Variants in LRRIQ4 observed in about 807,000 individuals in gnomAD.
The protein encoded by LRRIQ4 is leucine-rich repeat and IQ domain-containing protein 4.
Under a neutral mutation model 40.1 loss-of-function variants are expected in LRRIQ4, and 21 were observed. That is an observed-to-expected ratio of 0.52 (90% CI 0.37 to 0.75). LRRIQ4 has a LOEUF of 0.75. Ranked by LOEUF, LRRIQ4 falls within the 30% of genes least tolerant of loss-of-function variation. The pLI, the probability that LRRIQ4 is intolerant of heterozygous loss-of-function variation, is 0.00. For missense variants in LRRIQ4, 655 were observed against 660.0 expected, an observed-to-expected ratio of 0.99 and a Z score of 0.08; for synonymous variants, 277 against 277.1, an observed-to-expected ratio of 1.00 and a Z score of 0.00.
chr3:169,822,234 C>T lies in LRRIQ4; in HGVS notation c.313C>T (p.Pro105Ser), dbSNP rs1297064239. 3 of 1,605,238 alleles carry T rather than the reference C, an allele frequency of 1.9e-6. No individual in the cohort carries two copies. The highest frequency in any genetic ancestry group is 2.5e-6 in the Non-Finnish European group (3 of 1,176,634). ...GGAGAGCCTGGACCTGAGCTACAAC[C>T]CCATCTTCTCCTCCTCCCTTGTCGT... Reference protein sequence around the residue: ...SLESLDLSYNPIFSSSLVVVS... With the variant: ...SLESLDLSYNSIFSSSLVVVS... Residue 105 changes from proline to serine, a missense_variant, in exon 2 of 6, where the codon CCC becomes TCC. Coordinates refer to ENST00000340806, the MANE Select transcript of LRRIQ4 (RefSeq NM_001080460.3).
chr3:169,823,263 A>G (rs1039578907), intron 2 of LRRIQ4, among the ~76,000 whole-genome samples: 4 of 151,860 alleles, frequency 2.6e-5, no homozygotes, highest in Non-Finnish European at 1.5e-5. Context: ...CTTAACTAAC[A>G]TATCCAAGGT....
At chr3:169,836,993 A>G (rs28688695) in intron 5 of LRRIQ4, among the ~76,000 whole-genome samples, 65,764 of 151,900 alleles carry the variant, frequency 0.43, 14,943 homozygotes, top group East Asian at 0.74. Context: ...TGCTAGAGGA[A>G]GGGTGTTGCT....
At chr3:169,820,222 G>A (rs999160912) in intron 1 of LRRIQ4, among the ~76,000 whole-genome samples, 2 of 150,074 alleles carry the variant, frequency 1.3e-5, no homozygotes, top group African/African-American at 4.9e-5. Flanking sequence ...ATCATGTCAT[G>A]TTGTTCTCTG....
chr3:169,813,465 C>T (rs1311888445), intron 1 of LRRIQ4, among the ~76,000 whole-genome samples: 1 of 152,116 alleles, frequency 6.6e-6, no homozygotes, highest in Admixed American at 6.5e-5. Flanking sequence ...TAATAGTTTC[C>T]TTATCCCCCT....
chr3:169,822,989 T>C (rs773136546), intron 2 of LRRIQ4, 48 bp downstream of exon 2: 36 of 1,449,792 alleles, frequency 2.5e-5, no homozygotes, highest in Non-Finnish European at 2.7e-5. Context: ...CCAGGGTCCT[T>C]CCTGCCCTAA....
chr3:169,830,153 G>C (rs188353613), intron 3 of LRRIQ4, among the ~76,000 whole-genome samples: 55 of 152,100 alleles, frequency 3.6e-4, no homozygotes, highest in East Asian at 3.1e-3. Flanking sequence ...CAGACAATTA[G>C]CTATTAAAAA....
At chr3:169,817,685 C>CT (rs1218034858) in intron 1 of LRRIQ4, among the ~76,000 whole-genome samples, 1 of 151,344 alleles carries the variant, frequency 6.6e-6, no homozygotes, top group Non-Finnish European at 1.5e-5. Context: ...ATATAATGAC[C>CT]TTTTTTGTCT....
In LRRIQ4 at chr3:169,828,995, C is replaced by G. The variant is rs944810577; in HGVS notation, c.1194+63C>G. The G allele has an allele frequency of 5.5e-6, 8 of 1,459,760 alleles. No individual in the cohort carries two copies. The African/African-American group carries it at 1.0e-4, about 18-fold the overall frequency. 90.4% of individuals were successfully genotyped at this position (1,459,760 alleles called of 1,614,324 possible). A position where few individuals can be genotyped will look rare whatever the true frequency, so the allele number is the denominator to read the frequency against. On this transcript the variant is annotated intron_variant, in intron 3 of 5. Transcript: ENST00000340806. ...TCACTGCCTCTTAAATTGGCTGAAA[C>G]TGAGAAAATATGAGGTCTCCACAGG...
Position 169,837,229 on chromosome 3 carries a change from A to C in LRRIQ4, c.1531-250A>C, listed in dbSNP as rs563890537. 2.3e-3 allele frequency among the ~76,000 whole-genome samples: 347 copies of C among 152,344 alleles called. 2 individuals are homozygous for C. The highest frequency in any genetic ancestry group is 4.2e-3 in the Non-Finnish European group (287 of 68,034). On this transcript the variant is annotated intron_variant, in intron 5 of 5. Coordinates refer to ENST00000340806, the MANE Select transcript of LRRIQ4 (RefSeq NM_001080460.3). ...GGAATGTGAGCTCCATAAAGTTGAG[A>C]CAGTTATTTCTCTGCTGTTGCCCAA...
intron 1 of LRRIQ4, among the ~76,000 whole-genome samples, chr3:169,820,249 C>G (rs1400671236): frequency 2.8e-5 from 4 of 143,772 alleles, no homozygotes; most frequent in African/African-American, 7.7e-5. Context: ...CCCATAGACT[C>G]TGTGTGTGTG....
Position 169,822,503 on chromosome 3 carries a change from C to T in LRRIQ4, c.582C>T (p.Asp194=), listed in dbSNP as rs1013919151. 1.2e-6 allele frequency: 2 copies of T among 1,614,014 alleles called. No homozygotes were observed. The highest frequency in any genetic ancestry group is 2.2e-5 in the South Asian group (2 of 91,082). ...LCVLYTLEII[D]LDENKIGAIP... ...TTCTCTACACCCTGGAAATCATTGA[C>T]CTGGACGAGAACAAAATAGGTGCCA... The change falls in exon 2 of 6, where the codon GAC becomes GAT. Residue 194 remains aspartate, a synonymous_variant. Transcript: ENST00000340806.
At chr3:169,825,121 C>T (rs963042868) in intron 2 of LRRIQ4, among the ~76,000 whole-genome samples, 3 of 151,310 alleles carry the variant, frequency 2.0e-5, no homozygotes, top group Non-Finnish European at 4.4e-5. Context: ...GATTCTCCTT[C>T]CTCAGCCTCC....
At chr3:169,824,608 G>A (rs979911442) in intron 2 of LRRIQ4, among the ~76,000 whole-genome samples, 10 of 152,084 alleles carry the variant, frequency 6.6e-5, no homozygotes, top group Admixed American at 2.6e-4. Context: ...TGCCTCCTGG[G>A]TTCAAGCGAT....
At chr3:169,817,680 A>G (rs1249911966) in intron 1 of LRRIQ4, among the ~76,000 whole-genome samples, 1 of 151,958 alleles carries the variant, frequency 6.6e-6, no homozygotes, top group Non-Finnish European at 1.5e-5. Flanking sequence ...TCATTATATA[A>G]TGACCTTTTT....
At chr3:169,826,768 T>G (rs1302969127) in intron 2 of LRRIQ4, among the ~76,000 whole-genome samples, 2 of 152,224 alleles carry the variant, frequency 1.3e-5, no homozygotes, top group Non-Finnish European at 2.9e-5. Context: ...GACATCTAAG[T>G]GCTTGATGAA....
At chr3:169,820,948 T>C (rs1443692203) in intron 1 of LRRIQ4, among the ~76,000 whole-genome samples, 1 of 152,216 alleles carries the variant, frequency 6.6e-6, no homozygotes, top group Non-Finnish European at 1.5e-5. Context: ...CTCCAGATTC[T>C]AATCCACTAT....
At chr3:169,833,357 G>A (rs1018356181) in intron 5 of LRRIQ4, among the ~76,000 whole-genome samples, 174 bp downstream of exon 5, 7 of 152,240 alleles carry the variant, frequency 4.6e-5, no homozygotes, top group African/African-American at 1.7e-4. Context: ...TTAAATGTCA[G>A]CCCTAGCATT....
intron 2 of LRRIQ4, among the ~76,000 whole-genome samples, chr3:169,827,653 T>C (rs1780072010): frequency 6.7e-6 from 1 of 149,148 alleles, no homozygotes. Flanking sequence ...CCATGTGGTC[T>C]CCCATGGTCC....
At chr3:169,835,380 G>GTT (rs1780282565) in intron 5 of LRRIQ4, among the ~76,000 whole-genome samples, 1 of 151,902 alleles carries the variant, frequency 6.6e-6, no homozygotes, top group Admixed American at 6.6e-5. Flanking sequence ...GTGTGTGTGT[G>GTT]TGTGTGTGTG....
Sources: allele counts gnomAD v4.1 joint callset (sites outside exome capture counted in the v4.1 genomes callset), GRCh38; gene constraint gnomAD v4.1.1; transcripts MANE v1.5; gene names NCBI Gene and HGNC (gene_info 2026-07-23, HGNC 2026-07-21).